Variants in TMEM87A observed in about 807,000 individuals in gnomAD.
TMEM87A encodes Golgi-pH regulating cation channel.
TMEM87A carries 50 observed loss-of-function variants against 90.0 expected under a neutral mutation model. The ratio of observed to expected loss-of-function variants is 0.56; its 90% confidence interval spans 0.44 to 0.70. TMEM87A has a LOEUF of 0.70. Among genes scored for constraint, TMEM87A ranks in the 30% least tolerant of loss-of-function variants. The probability of loss-of-function intolerance (pLI) is 0.00; values close to 1 mark genes in which losing one functional copy is unlikely to be tolerated. For missense variants in TMEM87A, 577 were observed against 660.5 expected (o/e 0.87, Z 1.39); for synonymous variants, 226 against 226.7 (o/e 1.00, Z 0.03).
intron 10 of TMEM87A, among the ~76,000 whole-genome samples, chr15:42,233,974 G>A (rs2050731056): frequency 1.3e-5 from 2 of 150,592 alleles, no homozygotes; most frequent in Admixed American, 6.6e-5. Context: ...TAGAGACAAG[G>A]TCTCACCGTG....
In TMEM87A at chr15:42,264,563, A is replaced by G. The variant is rs577192395; in HGVS notation, c.292-360T>C. Among the ~76,000 whole-genome samples the G allele has an allele frequency of 1.5e-3, 232 of 151,564 alleles. 2 individuals are homozygous for G. The highest frequency in any genetic ancestry group is 5.4e-3 in the African/African-American group (224 of 41,248). On this transcript the variant is annotated intron_variant, in intron 3 of 19. Transcript: ENST00000389834. The stretch of plus-strand genomic sequence containing the variant: ...AATATTCATGCTCATAAGCTAAGAT[A>G]GAGCAGAAAATTGTTGCAAGCACAG...
chr15:42,236,447 C>A, intron 9 of TMEM87A, 28 bp from the exon 10 acceptor site: 1 of 1,602,924 alleles, frequency 6.2e-7, no homozygotes, highest in Non-Finnish European at 8.5e-7. Flanking sequence ...AGAAATGGCA[C>A]CATAATCTAG....
At chr15:42,239,467 T>C (rs1462870952) in intron 8 of TMEM87A, among the ~76,000 whole-genome samples, 1 of 152,180 alleles carries the variant, frequency 6.6e-6, no homozygotes, top group Non-Finnish European at 1.5e-5. Context: ...CCCTTCATTA[T>C]ATGGATAAGA....
chr15:42,221,350 C>T (rs1401974788), intron 15 of TMEM87A, among the ~76,000 whole-genome samples: 1 of 151,502 alleles, frequency 6.6e-6, no homozygotes, highest in Non-Finnish European at 1.5e-5. Flanking sequence ...AACAGCATTC[C>T]TACATATTTG....
At chr15:42,226,630 T>C (rs758517802) in intron 15 of TMEM87A, 176 bp downstream of exon 15, 14 of 598,102 alleles carry the variant, frequency 2.3e-5, no homozygotes, top group African/African-American at 3.7e-5. Flanking sequence ...AGAGGCTGCA[T>C]GCCAAAAATC....
chr15:42,264,730 G>A (rs1221404009), intron 3 of TMEM87A, among the ~76,000 whole-genome samples: 1 of 101,392 alleles, frequency 9.9e-6, no homozygotes, highest in Non-Finnish European at 2.2e-5. Context: ...TTAGGTTCCG[G>A]TATACATACG....
chr15:42,226,447 AT>A (rs1185846161), intron 15 of TMEM87A, among the ~76,000 whole-genome samples: 1 of 152,220 alleles, frequency 6.6e-6, no homozygotes, highest in Non-Finnish European at 1.5e-5. Flanking sequence ...AAAACAAAAT[AT>A]GTATGTAACT....
At chr15:42,257,481 G>C (rs1192769213) in intron 6 of TMEM87A, among the ~76,000 whole-genome samples, 1 of 152,064 alleles carries the variant, frequency 6.6e-6, no homozygotes, top group Non-Finnish European at 1.5e-5. Context: ...ATAGCCCACA[G>C]AACAGTGAGC....
intron 15 of TMEM87A, among the ~76,000 whole-genome samples, chr15:42,226,165 A>C (rs2050587744): frequency 6.6e-6 from 1 of 151,812 alleles, no homozygotes; most frequent in South Asian, 2.1e-4. Flanking sequence ...ACACTCAGTT[A>C]ATTTTTGTAT....
chr15:42,273,110 G>A (rs1286423454), intron 1 of TMEM87A, 145 bp downstream of exon 1: 1 of 1,008,876 alleles, frequency 9.9e-7, no homozygotes, highest in Non-Finnish European at 1.5e-6. Context: ...AGGGAGGTGG[G>A]TCCCAGTTGG....
chr15:42,273,182 A>G (rs1289735338), intron 1 of TMEM87A, 73 bp downstream of exon 1: 4 of 1,587,750 alleles, frequency 2.5e-6, no homozygotes, highest in South Asian at 1.1e-5. Context: ...CGGAACCTTC[A>G]TGGACCCCTT....
chr15:42,233,139 T>C, intron 11 of TMEM87A, 74 bp downstream of exon 11: 2 of 1,320,848 alleles, frequency 1.5e-6, no homozygotes, highest in Non-Finnish European at 2.1e-6. Flanking sequence ...CCACAGACAT[T>C]TCCAATCCAC....
chr15:42,252,679 T>A (rs1334094718), intron 6 of TMEM87A, among the ~76,000 whole-genome samples: 1 of 152,174 alleles, frequency 6.6e-6, no homozygotes, highest in Non-Finnish European at 1.5e-5. Flanking sequence ...TATCTCTATG[T>A]TCTCCTGGTT....
chr15:42,247,719 G>A (rs185823648), intron 6 of TMEM87A, among the ~76,000 whole-genome samples: 31 of 152,226 alleles, frequency 2.0e-4, no homozygotes, highest in Admixed American at 8.5e-4. Context: ...GTCAGGTAGC[G>A]TGATGCCTCC....
intron 6 of TMEM87A, chr15:42,258,755 T>G: frequency 7.1e-7 from 1 of 1,417,280 alleles, no homozygotes; most frequent in Non-Finnish European, 9.2e-7. Flanking sequence ...TTAAAAAAAT[T>G]AACAAAGACT....
At chr15:42,271,172 C>G in intron 2 of TMEM87A, among the ~76,000 whole-genome samples, 1 of 152,172 alleles carries the variant, frequency 6.6e-6, no homozygotes, top group East Asian at 1.9e-4. Context: ...GATTCAGATA[C>G]AGTCATTTTT....
rs550758135 is a variant in TMEM87A at position 42,263,994 on chromosome 15, A to T, written c.405+96T>A. The T allele has an allele frequency of 1.5e-4, 133 of 879,054 alleles. No individual in the cohort carries two copies. The African/African-American group carries it at 2.1e-3, about 14-fold the overall frequency. 54.5% of individuals were successfully genotyped at this position (879,054 alleles called of 1,614,324 possible). On this transcript the variant is annotated intron_variant, in intron 4 of 19. Coordinates refer to ENST00000389834, the MANE Select transcript of TMEM87A (RefSeq NM_015497.5). ...CATGCTTCCACTTACTTCTGCCAAA[A>T]GAAATACTTGAGAAGTCGGAAGTGG...
chr15:42,228,841 T>G (rs777125473), intron 12 of TMEM87A, 21 bp from the exon 13 acceptor site: 7 of 1,527,602 alleles, frequency 4.6e-6, no homozygotes, highest in Non-Finnish European at 6.2e-6. Context: ...GTCAAGGAAT[T>G]CAACATTCAG....
Position 42,260,942 on chromosome 15 carries a change from C to G in TMEM87A, c.504+16G>C, listed in dbSNP as rs374446220. 23 of 1,605,168 alleles carry G rather than the reference C, an allele frequency of 1.4e-5. No homozygotes were observed. The highest frequency in any genetic ancestry group is 4.5e-5 in the East Asian group (2 of 44,526). ...AAAATATGTGTTCAATGCCCCAAAT[C>G]CCCAAATATACTTACGGTTTTGTCT... On this transcript the variant is annotated intron_variant, in intron 6 of 19. Transcript: ENST00000389834.
Sources: gnomAD v4.1 joint callset for allele counts (sites outside exome capture counted in the v4.1 genomes callset) on GRCh38, gnomAD v4.1.1 for gene constraint, MANE v1.5 for transcripts, NCBI Gene and HGNC (gene_info 2026-07-23, HGNC 2026-07-21) for gene names.